The following ACACA variants were observed in gnomAD, a reference collection of about 807,000 sequenced individuals.
The protein encoded by ACACA is acetyl-CoA carboxylase alpha.
ACACA carries 103 observed loss-of-function variants against 296.1 expected under a neutral mutation model. The ratio of observed to expected loss-of-function variants is 0.35; its 90% CI spans 0.30 to 0.41. The LOEUF (loss-of-function observed/expected upper bound fraction) is 0.41, where lower values mean the gene tolerates loss of function less well. ACACA is among the 10% of genes least tolerant of loss of function. The pLI, the probability that ACACA is intolerant of heterozygous loss-of-function variation, is 1.00. For synonymous variants in ACACA, 953 were observed against 1,038.6 expected (o/e 0.92, Z 1.58); for missense variants, 1,554 against 2,989.7 (o/e 0.52, Z 11.20).
intron 50 of ACACA, among the ~76,000 whole-genome samples, chr17:37,119,358 T>G (rs2074407913): frequency 6.6e-6 from 1 of 152,160 alleles, no homozygotes; most frequent in African/African-American, 2.4e-5. Flanking sequence ...CTAGCATAGT[T>G]CCTAACACAC....
In ACACA at chr17:37,149,808, T is replaced by A. The variant is rs552664832; in HGVS notation, c.5679+56A>T. The A allele has an allele frequency of 3.3e-5, 49 of 1,468,862 alleles. No individual in the cohort carries two copies. In the African/African-American group the frequency reaches 5.3e-4, roughly 16 times the overall value. 91.0% of individuals were successfully genotyped at this position (1,468,862 alleles called of 1,614,324 possible). The stretch of plus-strand genomic sequence containing the variant: ...CCAATCAGGATCTTGAATTAAGAAT[T>A]CACACAATAATCTTCAATCAGCTAT... On this transcript the variant is annotated intron_variant, in intron 45 of 55. Coordinates refer to ENST00000616317, the MANE Select transcript of ACACA (RefSeq NM_198834.3).
chr17:37,391,512 C>T (rs1367801249), intron 1 of ACACA: 24 of 737,212 alleles, frequency 3.3e-5, no homozygotes, highest in African/African-American at 1.6e-4. Context: ...GTGTAATTAT[C>T]GATTAACAAA....
At chr17:37,400,924 G>T (rs1190864173) in intron 1 of ACACA, among the ~76,000 whole-genome samples, 1 of 152,068 alleles carries the variant, frequency 6.6e-6, no homozygotes, top group Non-Finnish European at 1.5e-5. Flanking sequence ...GTGGATTATT[G>T]GATCATATGG....
chr17:37,355,917 C>A (rs184089268), intron 1 of ACACA, among the ~76,000 whole-genome samples: 48 of 151,292 alleles, frequency 3.2e-4, no homozygotes, highest in African/African-American at 1.1e-3. Context: ...GCCTGTAATC[C>A]CAACACTTTG....
chr17:37,186,175 A>G (rs935283239), intron 39 of ACACA, among the ~76,000 whole-genome samples: 51 of 87,414 alleles, frequency 5.8e-4, no homozygotes, highest in Middle Eastern at 8.6e-3. Flanking sequence ...ACTGTAAAGT[A>G]TATGTTTTAG....
intron 27 of ACACA, among the ~76,000 whole-genome samples, 176 bp downstream of exon 27, chr17:37,224,816 G>GA (rs917384394): frequency 1.3e-5 from 2 of 151,720 alleles, no homozygotes; most frequent in African/African-American, 4.8e-5. Flanking sequence ...GCATTTGTAT[G>GA]AAAAAAATAT....
At chr17:37,189,635 A>G (rs1013733929) in intron 38 of ACACA, among the ~76,000 whole-genome samples, 1 of 152,158 alleles carries the variant, frequency 6.6e-6, no homozygotes, top group Non-Finnish European at 1.5e-5. Flanking sequence ...AAACTCAGAG[A>G]AAAGGTAAGC....
chr17:37,301,416 C>A (rs2083610607), intron 3 of ACACA: 14 of 985,174 alleles, frequency 1.4e-5, no homozygotes, highest in Non-Finnish European at 1.6e-5. Flanking sequence ...CACACTGATC[C>A]CAGCATTGTA....
intron 41 of ACACA, among the ~76,000 whole-genome samples, chr17:37,172,858 C>T (rs2076930291): frequency 6.6e-6 from 1 of 152,146 alleles, no homozygotes; most frequent in African/African-American, 2.4e-5. Context: ...ATAAGTTGAA[C>T]AATCAATGCA....
chr17:37,169,583 T>C (rs2076808916), intron 41 of ACACA, among the ~76,000 whole-genome samples: 1 of 152,212 alleles, frequency 6.6e-6, no homozygotes. Flanking sequence ...CAAATTACTT[T>C]CTATAGATGG....
intron 3 of ACACA, among the ~76,000 whole-genome samples, chr17:37,322,145 A>G (rs2147131524): frequency 6.6e-6 from 1 of 152,332 alleles, no homozygotes; most frequent in South Asian, 2.1e-4. Context: ...AAATATTGGT[A>G]AAGTACTTTT....
At chr17:37,152,463 G>A (rs1482671074) in intron 43 of ACACA, among the ~76,000 whole-genome samples, 1 of 152,142 alleles carries the variant, frequency 6.6e-6, no homozygotes, top group African/African-American at 2.4e-5. Flanking sequence ...TGAAGCAAAG[G>A]TCAAAATACT....
At chr17:37,162,464 T>C (rs2076498220) in intron 41 of ACACA, among the ~76,000 whole-genome samples, 1 of 152,158 alleles carries the variant, frequency 6.6e-6, no homozygotes, top group Non-Finnish European at 1.5e-5. Flanking sequence ...ATTCCTAACA[T>C]TAGAGGTGGG....
chr17:37,205,786 G>C lies in ACACA; in HGVS notation c.4035C>G (p.Phe1345Leu), dbSNP rs758517398. The part of the protein sequence containing the change: ...DIEDDRLAAM[F>L]REFTQQNKAT... Reference sequence around the variant, plus strand: ...TTACATTTTGCTGGGTAAATTCTCTGAACATAGCTGCCAGCCTGTCATCCT... The same window carrying C: ...TTACATTTTGCTGGGTAAATTCTCTCAACATAGCTGCCAGCCTGTCATCCT... The change falls in exon 33 of 56, where the codon TTC becomes TTG. Residue 1345 changes from phenylalanine (F) to leucine (L), a missense_variant. This residue lies in a region of ACACA where 179 missense variants were observed against 283.2 expected (regional missense o/e 0.63). Coordinates refer to ENST00000616317, the MANE Select transcript of ACACA (RefSeq NM_198834.3). 6.2e-7 allele frequency: 1 copy of C among 1,613,558 alleles called. No individual in the cohort carries two copies. Among genetic ancestry groups the C allele is most frequent in the East Asian group, 2.2e-5 (1 of 44,872 alleles).
intron 18 of ACACA, 65 bp from the exon 19 acceptor site, chr17:37,247,041 G>A (rs779195780): frequency 1.3e-4 from 198 of 1,582,906 alleles, no homozygotes; most frequent in Non-Finnish European, 1.6e-4. Flanking sequence ...GAATGGTAGA[G>A]AATGTCAACC....
chr17:37,136,729 TA>T (rs1272246455), intron 45 of ACACA, among the ~76,000 whole-genome samples: 2 of 151,858 alleles, frequency 1.3e-5, no homozygotes, highest in African/African-American at 4.8e-5. Flanking sequence ...GATCATGAGG[TA>T]AGGAGATTGA....
chr17:37,283,632 A>G (rs565694091), intron 4 of ACACA, among the ~76,000 whole-genome samples: 1 of 152,340 alleles, frequency 6.6e-6, no homozygotes, highest in East Asian at 1.9e-4. Flanking sequence ...CAGCTAAAAC[A>G]TACTCCTTTC....
chr17:37,187,109 G>A (rs1229640778), intron 39 of ACACA, among the ~76,000 whole-genome samples: 1 of 151,920 alleles, frequency 6.6e-6, no homozygotes, highest in Non-Finnish European at 1.5e-5. Context: ...AAAAAATATT[G>A]AACACTCTTT....
At chr17:37,285,039 C>T (rs1331413853) in intron 3 of ACACA, 69 bp from the exon 4 acceptor site, 2 of 1,581,760 alleles carry the variant, frequency 1.3e-6, no homozygotes, top group East Asian at 2.2e-5. Flanking sequence ...ACTACCATAC[C>T]CATAACAGTA....
Sources: gnomAD v4.1 joint callset for allele counts (sites outside exome capture counted in the v4.1 genomes callset) on GRCh38, gnomAD v4.1.1 for gene constraint, gnomAD v4.1.1 regional missense constraint, MANE v1.5 for transcripts, NCBI Gene and HGNC (gene_info 2026-07-23, HGNC 2026-07-21) for gene names.